Variants in CALN1 observed in about 807,000 individuals in gnomAD.
The protein encoded by CALN1 is calcium-binding protein 8.
Under a neutral mutation model 30.6 loss-of-function variants are expected in CALN1, and 17 were observed. That is an observed-to-expected ratio of 0.56 (90% CI 0.38 to 0.83). The LOEUF (loss-of-function observed/expected upper bound fraction) is 0.83. CALN1 is among the 40% of genes least tolerant of loss of function. CALN1 has a pLI of 0.00. For synonymous variants in CALN1, 156 were observed against 131.4 expected, an observed-to-expected ratio of 1.19 and a Z score of -1.28; for missense variants, 291 against 354.9, an observed-to-expected ratio of 0.82 and a Z score of 1.45.
chr7:72,176,554 A>AAC (rs780622096), intron 3 of CALN1, among the ~76,000 whole-genome samples: 3 of 152,126 alleles, frequency 2.0e-5, no homozygotes, highest in African/African-American at 4.8e-5. Flanking sequence ...CTCGCCATGT[A>AAC]ACATGCTGGC....
At chr7:72,155,785 G>A (rs1787625626) in intron 3 of CALN1, among the ~76,000 whole-genome samples, 1 of 152,156 alleles carries the variant, frequency 6.6e-6, no homozygotes, top group South Asian at 2.1e-4. Context: ...GGTCCAAAGT[G>A]AGTCTTATGG....
At position 72,258,247 on chromosome 7, in the gene CALN1, A is replaced by G. The variant is rs149234392; in HGVS notation, c.244+20439T>C. On this transcript the variant is annotated intron_variant, in intron 3 of 6. Coordinates refer to ENST00000395275, the MANE Select transcript of CALN1 (RefSeq NM_031468.4). Reference sequence around the variant, plus strand: ...CGGCAAGAAGTCAAGCTCCTTATCCATGGGGCAGCCCTAATTATAGGCAGG... The same window carrying G: ...CGGCAAGAAGTCAAGCTCCTTATCCGTGGGGCAGCCCTAATTATAGGCAGG... 7.2e-3 allele frequency among the ~76,000 whole-genome samples: 1,089 copies of G among 152,286 alleles called. 17 individuals are homozygous for G. The highest frequency in any genetic ancestry group is 0.025 in the African/African-American group (1,035 of 41,550).
intron 5 of CALN1, among the ~76,000 whole-genome samples, chr7:71,854,808 C>A (rs1790849377): frequency 6.6e-6 from 1 of 152,186 alleles, no homozygotes; most frequent in African/African-American, 2.4e-5. Flanking sequence ...AAGCTTCGGG[C>A]TCATTTCCCA....
intron 4 of CALN1, among the ~76,000 whole-genome samples, chr7:72,076,370 GAGC>G (rs1348524358): frequency 2.0e-5 from 3 of 151,032 alleles, no homozygotes. Flanking sequence ...AGGCCGAGGC[GAGC>G]AGATCACTTG....
intron 4 of CALN1, among the ~76,000 whole-genome samples, chr7:72,044,331 C>T (rs748585912): frequency 6.6e-6 from 1 of 152,062 alleles, no homozygotes; most frequent in Non-Finnish European, 1.5e-5. Context: ...CATCCAGAGC[C>T]GGCCTCCTCA....
chr7:72,333,231 G>T (rs1201095248), intron 2 of CALN1, among the ~76,000 whole-genome samples: 1 of 152,126 alleles, frequency 6.6e-6, no homozygotes, highest in African/African-American at 2.4e-5. Flanking sequence ...ATCCATCTCT[G>T]TTCACAAATG....
At chr7:72,067,507 C>T (rs1379193979) in intron 4 of CALN1, among the ~76,000 whole-genome samples, 1 of 152,132 alleles carries the variant, frequency 6.6e-6, no homozygotes, top group Non-Finnish European at 1.5e-5. Context: ...GCCTCAGCCT[C>T]CGGAAGTGTT....
At chr7:72,276,282 G>T (rs1797327035) in intron 3 of CALN1, among the ~76,000 whole-genome samples, 1 of 152,112 alleles carries the variant, frequency 6.6e-6, no homozygotes, top group Non-Finnish European at 1.5e-5. Flanking sequence ...TGTACCACCT[G>T]CCCTAATGTC....
intron 6 of CALN1, among the ~76,000 whole-genome samples, chr7:71,788,488 G>GTTT (rs1454582383): frequency 5.0e-5 from 6 of 120,452 alleles, no homozygotes; most frequent in Non-Finnish European, 6.8e-5. Flanking sequence ...GTTTTTTTTT[G>GTTT]TTGTTTTTTT....
At chr7:72,172,581 G>A (rs1789046448) in intron 3 of CALN1, among the ~76,000 whole-genome samples, 1 of 152,092 alleles carries the variant, frequency 6.6e-6, no homozygotes, top group African/African-American at 2.4e-5. Flanking sequence ...ATATCAAAAG[G>A]TACATAACAC....
intron 5 of CALN1, among the ~76,000 whole-genome samples, chr7:71,995,647 G>A (rs1799215345): frequency 6.6e-6 from 1 of 152,022 alleles, no homozygotes; most frequent in Admixed American, 6.6e-5. Context: ...AGGCAAGGAG[G>A]ATCTATTGGA....
rs140773358 is a variant in CALN1 at position 71,932,279 on chromosome 7, G to A, written c.501+91378C>T. ...CAACCCCCAACTCTTGCGCTGAAGC[G>A]ATCTTCCCACCTTAACCTCCTGAGT... On this transcript the variant is annotated intron_variant, in intron 5 of 6. Coordinates refer to ENST00000395275, the MANE Select transcript of CALN1 (RefSeq NM_031468.4). Among the ~76,000 whole-genome samples, 952 of 152,178 alleles carry A rather than the reference G, an allele frequency of 6.3e-3. 10 individuals carry two copies. Among genetic ancestry groups the A allele is most frequent in the African/African-American group, 0.021 (884 of 41,510 alleles).
intron 3 of CALN1, among the ~76,000 whole-genome samples, chr7:72,178,162 T>C (rs1789499234): frequency 6.6e-6 from 1 of 152,114 alleles, no homozygotes; most frequent in African/African-American, 2.4e-5. Flanking sequence ...CCAATGTGTA[T>C]TGCATAAAGG....
chr7:71,830,905 T>G (rs1350419351), intron 5 of CALN1, among the ~76,000 whole-genome samples: 2 of 152,210 alleles, frequency 1.3e-5, no homozygotes, highest in Non-Finnish European at 2.9e-5. Flanking sequence ...AACAAAGTCA[T>G]TCAGTTTGTT....
At chr7:71,982,317 G>A (rs1798441934) in intron 5 of CALN1, among the ~76,000 whole-genome samples, 1 of 152,188 alleles carries the variant, frequency 6.6e-6, no homozygotes, top group African/African-American at 2.4e-5. Flanking sequence ...AGGGTCGGCC[G>A]GGCACAGTGG....
At chr7:72,052,384 C>T (rs1018288055) in intron 4 of CALN1, among the ~76,000 whole-genome samples, 1 of 152,068 alleles carries the variant, frequency 6.6e-6, no homozygotes, top group Non-Finnish European at 1.5e-5. Flanking sequence ...GGAGGATCTG[C>T]CCCTTCCCCA....
At chr7:71,948,306 CAAATCAGCAAATA>C (rs1796509490) in intron 5 of CALN1, among the ~76,000 whole-genome samples, 2 of 152,232 alleles carry the variant, frequency 1.3e-5, no homozygotes, top group South Asian at 2.1e-4. Context: ...ATCAGCAAAT[CAAATCAGCAAATA>C]AAAGCTGATT....
intron 4 of CALN1, among the ~76,000 whole-genome samples, chr7:72,070,753 G>A (rs1471517070): frequency 2.6e-5 from 4 of 151,728 alleles, no homozygotes; most frequent in East Asian, 2.0e-4. Flanking sequence ...TTTTAATCTC[G>A]TCCCCCTGTT....
intron 2 of CALN1, among the ~76,000 whole-genome samples, chr7:72,310,849 G>C (rs1799988558): frequency 6.8e-6 from 1 of 147,494 alleles, no homozygotes; most frequent in African/African-American, 2.5e-5. Context: ...GTTGCAGTGA[G>C]CCGAGATCAC....
Sources: allele counts gnomAD v4.1 joint callset (sites outside exome capture counted in the v4.1 genomes callset), GRCh38; gene constraint gnomAD v4.1.1; transcripts MANE v1.5; gene names NCBI Gene and HGNC (gene_info 2026-07-23, HGNC 2026-07-21).